The following SGIP1 variants were observed in gnomAD, a reference collection of about 807,000 sequenced individuals.
The protein encoded by SGIP1 is SH3-containing GRB2-like protein 3-interacting protein 1.
Under a neutral mutation model 107.5 loss-of-function variants are expected in SGIP1, and 38 were observed. The observed-to-expected ratio is 0.35, with a 90% confidence interval of 0.27 to 0.46. The LOEUF is 0.46. Among genes scored for constraint, SGIP1 ranks in the 20% least tolerant of loss-of-function variants. The pLI is 1.00. For missense variants in SGIP1, 929 were observed against 1,019.5 expected (o/e 0.91, Z 1.21); for synonymous variants, 365 against 366.1 (o/e 1.00, Z 0.03).
intron 1 of SGIP1, among the ~76,000 whole-genome samples, chr1:66,561,547 T>C (rs2058950740): frequency 6.6e-6 from 1 of 152,056 alleles, no homozygotes; most frequent in Admixed American, 6.6e-5. Context: ...CAATCGAAAT[T>C]AGAGTCTACA....
chr1:66,659,907 T>G (rs1436643556), intron 7 of SGIP1, among the ~76,000 whole-genome samples: 1 of 131,944 alleles, frequency 7.6e-6, no homozygotes, highest in Non-Finnish European at 1.6e-5. Context: ...AGACAGACTC[T>G]GTCAGAAACA....
rs372111116 is a variant in SGIP1 at position 66,576,076 on chromosome 1, A to G, written c.10+41708A>G. On this transcript the variant is annotated intron_variant, in intron 1 of 24. Transcript: ENST00000371037. ...TTATATATTGCAGCAAGAGGTCAGA[A>G]AATAAGAATTCACAGTAATAAGATG... 2.0e-5 allele frequency among the ~76,000 whole-genome samples: 3 copies of G among 152,338 alleles called. No homozygotes were observed. In the South Asian group the frequency reaches 6.2e-4, roughly 32 times the overall value.
At chr1:66,557,467 T>G (rs10889626) in intron 1 of SGIP1, among the ~76,000 whole-genome samples, 79,934 of 151,878 alleles carry the variant, frequency 0.53, 22,020 homozygotes, top group East Asian at 0.96. Context: ...TTTTTTCCCT[T>G]TAACTTGAGC....
intron 17 of SGIP1, among the ~76,000 whole-genome samples, chr1:66,692,168 A>AAC (rs386367222): frequency 1.3e-5 from 2 of 151,492 alleles, no homozygotes; most frequent in Non-Finnish European, 2.9e-5. Flanking sequence ...CTCAAAAAAA[A>AAC]AAAAAAGAGA....
At chr1:66,697,273 G>C (rs183774992) in intron 18 of SGIP1, among the ~76,000 whole-genome samples, 1 of 152,170 alleles carries the variant, frequency 6.6e-6, no homozygotes, top group Admixed American at 6.5e-5. Flanking sequence ...TAAATGTGTG[G>C]AATAACATAT....
intron 7 of SGIP1, among the ~76,000 whole-genome samples, chr1:66,652,532 A>G (rs984150514): frequency 1.3e-5 from 2 of 152,156 alleles, no homozygotes; most frequent in African/African-American, 4.8e-5. Flanking sequence ...GAGATTTGCA[A>G]TGCATAACTT....
chr1:66,538,784 G>A (rs528564618), intron 1 of SGIP1, among the ~76,000 whole-genome samples: 24 of 152,228 alleles, frequency 1.6e-4, no homozygotes, highest in Admixed American at 1.2e-3. Context: ...AGAACAGTAT[G>A]GTTCCCATAG....
chr1:66,540,333 G>A (rs1384859356), intron 1 of SGIP1, among the ~76,000 whole-genome samples: 1 of 152,196 alleles, frequency 6.6e-6, no homozygotes, highest in Non-Finnish European at 1.5e-5. Flanking sequence ...GAGGCACATT[G>A]TAGCACCACC....
At chr1:66,687,926 A>C (rs1477725795) in intron 15 of SGIP1, among the ~76,000 whole-genome samples, 1 of 152,204 alleles carries the variant, frequency 6.6e-6, no homozygotes, top group Non-Finnish European at 1.5e-5. Context: ...AGATTATTTA[A>C]ACAAGAGGAG....
At chr1:66,579,252 G>T (rs749548977) in intron 1 of SGIP1, among the ~76,000 whole-genome samples, 10 of 152,106 alleles carry the variant, frequency 6.6e-5, no homozygotes, top group Non-Finnish European at 1.2e-4. Context: ...GTTTCCCGAA[G>T]CTACATGTAC....
At chr1:66,558,433 C>A (rs150495427) in intron 1 of SGIP1, among the ~76,000 whole-genome samples, 2 of 151,892 alleles carry the variant, frequency 1.3e-5, no homozygotes, top group African/African-American at 4.8e-5. Flanking sequence ...TAACCCACAA[C>A]GGCCCATCTA....
chr1:66,575,602 C>G (rs1037159650), intron 1 of SGIP1, among the ~76,000 whole-genome samples: 1 of 152,084 alleles, frequency 6.6e-6, no homozygotes, highest in Non-Finnish European at 1.5e-5. Flanking sequence ...TCATGCTGGC[C>G]CACTGGGGTT....
chr1:66,693,666 C>T (rs2090328023), intron 17 of SGIP1, among the ~76,000 whole-genome samples: 1 of 152,138 alleles, frequency 6.6e-6, no homozygotes, highest in Non-Finnish European at 1.5e-5. Flanking sequence ...TAAAATCCCA[C>T]ATAGAGTCAA....
At chr1:66,690,422 G>A (rs1471246736) in intron 17 of SGIP1, 106 bp downstream of exon 17, 1 of 1,501,474 alleles carries the variant, frequency 6.7e-7, no homozygotes, top group Non-Finnish European at 9.0e-7. Flanking sequence ...TTGTTTTGCT[G>A]TGTGTTTTGC....
chr1:66,545,628 TTGTGTGTGTGTGTG>T (rs769603266), intron 1 of SGIP1, among the ~76,000 whole-genome samples: 33 of 139,044 alleles, frequency 2.4e-4, no homozygotes, highest in African/African-American at 8.4e-4. Flanking sequence ...ACTGAACAAA[TTGTGTGTGTGTGTG>T]TGTGTGTGTG....
intron 1 of SGIP1, among the ~76,000 whole-genome samples, chr1:66,560,707 A>T (rs2058806746): frequency 6.6e-6 from 1 of 152,076 alleles, no homozygotes; most frequent in Admixed American, 6.6e-5. Flanking sequence ...AATAAATGTT[A>T]CTTTTTAAAA....
rs144261495 is a variant in SGIP1 at position 66,641,483 on chromosome 1, C to G, written c.229-1327C>G. 2.6e-5 allele frequency among the ~76,000 whole-genome samples: 4 copies of G among 152,210 alleles called. No individual in the cohort carries two copies. In the East Asian group the frequency reaches 7.7e-4, roughly 29 times the overall value. ...ATAACCTCAACTTCAACAGGGCCAC[C>G]TACAAATGCTTCATCTTCCTCCCCT... On this transcript the variant is annotated intron_variant, in intron 5 of 24. Transcript: ENST00000371037.
At chr1:66,706,722 T>C (rs971202191) in intron 18 of SGIP1, among the ~76,000 whole-genome samples, 1 of 152,004 alleles carries the variant, frequency 6.6e-6, no homozygotes, top group Non-Finnish European at 1.5e-5. Context: ...CAAATAGCTG[T>C]AGATGACCAC....
chr1:66,611,183 T>G (rs754917060), intron 1 of SGIP1, among the ~76,000 whole-genome samples: 6 of 152,228 alleles, frequency 3.9e-5, no homozygotes, highest in Non-Finnish European at 8.8e-5. Context: ...GATAAGTGAT[T>G]GATTTTGCTA....
Sources: gnomAD v4.1 joint callset for allele counts (sites outside exome capture counted in the v4.1 genomes callset) on GRCh38, gnomAD v4.1.1 for gene constraint, MANE v1.5 for transcripts, NCBI Gene and HGNC (gene_info 2026-07-23, HGNC 2026-07-21) for gene names.